The following DOCK5 variants were observed in gnomAD, a reference collection of about 807,000 sequenced individuals.
The protein encoded by DOCK5 is dedicator of cytokinesis protein 5.
A neutral mutation model predicts 251.8 loss-of-function variants in DOCK5; 142 were observed. That is an observed-to-expected ratio of 0.56 (90% CI 0.49 to 0.65). The LOEUF (loss-of-function observed/expected upper bound fraction) is 0.65, where lower values mean the gene tolerates loss of function less well. Among genes scored for constraint, DOCK5 ranks in the 30% least tolerant of loss-of-function variants. DOCK5 has a pLI of 0.00. For missense variants in DOCK5, 2,111 were observed against 2,312.3 expected (o/e 0.91, Z 1.79); for synonymous variants, 842 against 835.5 (o/e 1.01, Z -0.13).
At chr8:25,252,187 CTT>C (rs1400990990) in intron 2 of DOCK5, among the ~76,000 whole-genome samples, 1 of 152,060 alleles carries the variant, frequency 6.6e-6, no homozygotes, top group Non-Finnish European at 1.5e-5. Context: ...ACTGAAATCT[CTT>C]TATTGTTCCT....
intron 2 of DOCK5, among the ~76,000 whole-genome samples, chr8:25,251,965 C>T (rs1803283136): frequency 6.8e-6 from 1 of 147,612 alleles, no homozygotes; most frequent in South Asian, 2.1e-4. Flanking sequence ...TGCACTCCAA[C>T]CTGGGTGACA....
intron 2 of DOCK5, among the ~76,000 whole-genome samples, chr8:25,246,707 TG>T (rs1803123302): frequency 1.5e-4 from 2 of 13,552 alleles, no homozygotes; most frequent in Admixed American, 9.2e-4. Flanking sequence ...TGTTAGTTTG[TG>T]TGTGTGTGTG....
chr8:25,284,295 A>G (rs945244744), intron 5 of DOCK5, among the ~76,000 whole-genome samples: 1 of 152,236 alleles, frequency 6.6e-6, no homozygotes, highest in African/African-American at 2.4e-5. Flanking sequence ...TGGTCAATAC[A>G]TGACAGCCCC....
Position 25,363,064 on chromosome 8 carries a change from T to C in DOCK5, c.2967T>C (p.Thr989=). ...RQDIIDFLME[T]FIMFKDLIGK... Reference sequence around the variant, plus strand: ...CTCCGCAGGACTTCCTCATGGAAACTTTTATCATGTTCAAGGACCTGATTG... The same window carrying C: ...CTCCGCAGGACTTCCTCATGGAAACCTTTATCATGTTCAAGGACCTGATTG... The change falls in exon 29 of 52, where the codon ACT becomes ACC. Residue 989 remains threonine (T), a synonymous_variant. Coordinates refer to ENST00000276440, the MANE Select transcript of DOCK5 (RefSeq NM_024940.8). 6.2e-7 allele frequency: 1 copy of C among 1,613,964 alleles called. No homozygotes were observed. Among genetic ancestry groups the C allele is most frequent in the Non-Finnish European group, 8.5e-7 (1 of 1,179,848 alleles).
At chr8:25,246,493 C>G (rs924745376) in intron 2 of DOCK5, among the ~76,000 whole-genome samples, 1 of 152,056 alleles carries the variant, frequency 6.6e-6, no homozygotes, top group African/African-American at 2.4e-5. Context: ...AGGCTGGTCT[C>G]GTGGCCAACT....
At chr8:25,189,926 G>A (rs113328552) in intron 1 of DOCK5, among the ~76,000 whole-genome samples, 10,398 of 152,052 alleles carry the variant, frequency 0.068, 419 homozygotes, top group African/African-American at 0.12. Flanking sequence ...TTGCTCTGTC[G>A]CCCAGGCTGG....
chr8:25,277,629 C>A (rs1295749250), intron 4 of DOCK5, among the ~76,000 whole-genome samples: 2 of 152,202 alleles, frequency 1.3e-5, no homozygotes, highest in African/African-American at 4.8e-5. Context: ...GAGAAGTCCT[C>A]TTTCCGGTGG....
intron 1 of DOCK5, among the ~76,000 whole-genome samples, chr8:25,235,177 T>TG (rs1447428347): frequency 6.6e-6 from 1 of 152,166 alleles, no homozygotes; most frequent in Admixed American, 6.5e-5. Context: ...GAGGAAGCTG[T>TG]GGGAAAAAAC....
chr8:25,410,939 A>ATGTGTGTGTGTGTGTGTG (rs763758410), intron 51 of DOCK5, among the ~76,000 whole-genome samples: 4 of 102,152 alleles, frequency 3.9e-5, no homozygotes, highest in African/African-American at 1.3e-4. Flanking sequence ...GAGAGAGAAA[A>ATGTGTGTGTGTGTGTGTG]TGTGTGTGTG....
chr8:25,397,662 T>C (rs1801369564), intron 45 of DOCK5, among the ~76,000 whole-genome samples: 1 of 152,264 alleles, frequency 6.6e-6, no homozygotes, highest in Non-Finnish European at 1.5e-5. Context: ...TTTTCATATA[T>C]ATTGTTTGAT....
At position 25,388,845 on chromosome 8, in the gene DOCK5, T is replaced by G. The variant is rs569118796; in HGVS notation, c.4132-246T>G. The G allele has an allele frequency of 3.0e-4, 139 of 469,934 alleles. 1 individual carries two copies. In the South Asian group the frequency reaches 3.5e-3, roughly 12 times the overall value. 29.1% of individuals were successfully genotyped at this position (469,934 alleles called of 1,614,324 possible). ...CTGTTTGCAGACTGGCCATGGTCCTTGGGCCACACTGGAAGAAGAACTGGG... is the reference window on the plus strand; with the variant it reads ...CTGTTTGCAGACTGGCCATGGTCCTGGGGCCACACTGGAAGAAGAACTGGG... On this transcript the variant is annotated intron_variant, in intron 40 of 51. Coordinates refer to ENST00000276440, the MANE Select transcript of DOCK5 (RefSeq NM_024940.8).
At chr8:25,350,204 T>C (rs955364961) in intron 26 of DOCK5, among the ~76,000 whole-genome samples, 1 of 152,202 alleles carries the variant, frequency 6.6e-6, no homozygotes, top group Admixed American at 6.5e-5. Flanking sequence ...GTACAGTCTT[T>C]GCCAGTTAAA....
At chr8:25,271,789 A>G (rs1427321662) in intron 3 of DOCK5, among the ~76,000 whole-genome samples, 3 of 152,208 alleles carry the variant, frequency 2.0e-5, no homozygotes, top group Admixed American at 6.5e-5. Context: ...ACTGAGAGAC[A>G]GGCTGTAAAT....
At chr8:25,316,205 CA>C (rs1805246444) in intron 13 of DOCK5, among the ~76,000 whole-genome samples, 1 of 152,132 alleles carries the variant, frequency 6.6e-6, no homozygotes, top group Non-Finnish European at 1.5e-5. Context: ...CTAGGCTGGG[CA>C]TGGTGGCTCA....
At chr8:25,302,006 C>T (rs1022021076) in intron 9 of DOCK5, among the ~76,000 whole-genome samples, 1 of 152,162 alleles carries the variant, frequency 6.6e-6, no homozygotes, top group Non-Finnish European at 1.5e-5. Context: ...GATATACAAT[C>T]GCAATGATGA....
intron 45 of DOCK5, among the ~76,000 whole-genome samples, chr8:25,399,059 T>G (rs1801393800): frequency 6.6e-6 from 1 of 152,346 alleles, no homozygotes; most frequent in Non-Finnish European, 1.5e-5. Flanking sequence ...AAGGGGAATC[T>G]GAAGGCTGGT....
intron 39 of DOCK5, among the ~76,000 whole-genome samples, chr8:25,381,149 G>A (rs1160205466): frequency 2.0e-5 from 3 of 152,178 alleles, no homozygotes; most frequent in Admixed American, 2.0e-4. Flanking sequence ...AATGCCCAGT[G>A]GTAGGCAACC....
intron 44 of DOCK5, among the ~76,000 whole-genome samples, chr8:25,395,319 T>C (rs1483265143): frequency 6.6e-6 from 1 of 152,196 alleles, no homozygotes; most frequent in Non-Finnish European, 1.5e-5. Context: ...CTCACTTACC[T>C]GTCGCTCACC....
intron 3 of DOCK5, among the ~76,000 whole-genome samples, chr8:25,275,100 C>G (rs1804010092): frequency 6.6e-6 from 1 of 152,180 alleles, no homozygotes; most frequent in African/African-American, 2.4e-5. Flanking sequence ...CAATTACACT[C>G]CTTCCCATTA....
Sources: gnomAD v4.1 joint callset for allele counts (sites outside exome capture counted in the v4.1 genomes callset) on GRCh38, gnomAD v4.1.1 for gene constraint, MANE v1.5 for transcripts, NCBI Gene and HGNC (gene_info 2026-07-23, HGNC 2026-07-21) for gene names.